LRP1B: variants seen among roughly 807,000 people sequenced by gnomAD.
LRP1B encodes LDL receptor related protein 1B.
A neutral mutation model predicts 556.6 loss-of-function variants in LRP1B; 217 were observed. That is an observed-to-expected ratio of 0.39 (90% CI 0.35 to 0.44). The LOEUF is 0.44. Among genes scored for constraint, LRP1B ranks in the 20% least tolerant of loss-of-function variants. LRP1B has a pLI of 1.00. For missense variants in LRP1B, 5,053 were observed against 5,620.8 expected, an observed-to-expected ratio of 0.90 and a Z score of 3.23; for synonymous variants, 2,047 against 1,865.8, an observed-to-expected ratio of 1.10 and a Z score of -2.50.
chr2:142,027,419 T>C (rs1222607865), intron 1 of LRP1B, among the ~76,000 whole-genome samples: 1 of 151,788 alleles, frequency 6.6e-6, no homozygotes, highest in Non-Finnish European at 1.5e-5. Context: ...ATATTTATAG[T>C]CTATAAATAT....
chr2:140,867,866 C>A, intron 26 of LRP1B, 32 bp from the exon 27 acceptor site: 2 of 1,489,190 alleles, frequency 1.3e-6, no homozygotes, highest in South Asian at 1.5e-5. Context: ...AGTAGTTTGT[C>A]AAAACTCATT....
At chr2:140,911,956 TAAAC>T (rs1694432176) in intron 21 of LRP1B, among the ~76,000 whole-genome samples, 1 of 151,702 alleles carries the variant, frequency 6.6e-6, no homozygotes, top group African/African-American at 2.4e-5. Flanking sequence ...TTGGAAAAGG[TAAAC>T]AAAAATAATA....
At chr2:142,067,567 C>T (rs72849836) in intron 1 of LRP1B, among the ~76,000 whole-genome samples, 10,418 of 151,480 alleles carry the variant, frequency 0.069, 481 homozygotes, top group Non-Finnish European at 0.094. Context: ...ATTCACTGTC[C>T]ATAATTTCAC....
At chr2:140,664,412 T>C (rs1685199031) in intron 41 of LRP1B, among the ~76,000 whole-genome samples, 1 of 152,132 alleles carries the variant, frequency 6.6e-6, no homozygotes, top group African/African-American at 2.4e-5. Context: ...TATTGTCATT[T>C]AGGAATTTCT....
At chr2:142,118,260 G>T (rs1027873436) in intron 1 of LRP1B, among the ~76,000 whole-genome samples, 2 of 152,058 alleles carry the variant, frequency 1.3e-5, no homozygotes, top group African/African-American at 4.8e-5. Flanking sequence ...CATTACTGTT[G>T]TATTTTGCAT....
At chr2:140,609,299 C>T (rs1025719420) in intron 41 of LRP1B, among the ~76,000 whole-genome samples, 4 of 152,124 alleles carry the variant, frequency 2.6e-5, no homozygotes, top group Non-Finnish European at 4.4e-5. Flanking sequence ...CAGCTGAAAG[C>T]TATGAACCAG....
At chr2:141,488,570 C>T (rs915008050) in intron 2 of LRP1B, among the ~76,000 whole-genome samples, 1 of 152,030 alleles carries the variant, frequency 6.6e-6, no homozygotes, top group Non-Finnish European at 1.5e-5. Flanking sequence ...GGTAACCTCT[C>T]AGCTCAGCTT....
At chr2:141,597,338 C>T (rs2105303272) in intron 2 of LRP1B, among the ~76,000 whole-genome samples, 1 of 152,120 alleles carries the variant, frequency 6.6e-6, no homozygotes, top group East Asian at 1.9e-4. Flanking sequence ...TCCCTACTCC[C>T]TATGAGAATT....
At chr2:142,071,327 G>A (rs988303200) in intron 1 of LRP1B, among the ~76,000 whole-genome samples, 3 of 151,764 alleles carry the variant, frequency 2.0e-5, no homozygotes, top group Admixed American at 6.6e-5. Context: ...CTACCTTTCT[G>A]AACCAATGCT....
At chr2:140,645,120 C>A (rs1559028087) in intron 41 of LRP1B, among the ~76,000 whole-genome samples, 3 of 151,940 alleles carry the variant, frequency 2.0e-5, no homozygotes, top group East Asian at 1.9e-4. Flanking sequence ...ATCAGGAAGC[C>A]TTTTTTCGGT....
intron 32 of LRP1B, among the ~76,000 whole-genome samples, chr2:140,802,142 T>A (rs908740489): frequency 2.6e-5 from 4 of 152,182 alleles, no homozygotes; most frequent in African/African-American, 9.7e-5. Flanking sequence ...TTCATTCTAC[T>A]CAACAAGCAA....
chr2:140,875,951 C>A (rs1225562745), intron 25 of LRP1B, among the ~76,000 whole-genome samples: 1 of 152,116 alleles, frequency 6.6e-6, no homozygotes, highest in Non-Finnish European at 1.5e-5. Flanking sequence ...TTGACTATGA[C>A]TGCCCTAAAA....
At chr2:141,540,298 CA>C (rs67116306) in intron 2 of LRP1B, among the ~76,000 whole-genome samples, 28,849 of 145,962 alleles carry the variant, frequency 0.2, 2,864 homozygotes, top group South Asian at 0.39. Flanking sequence ...TGTTAAAAAA[CA>C]AAAAAAAAAG....
intron 3 of LRP1B, among the ~76,000 whole-genome samples, chr2:141,296,432 G>C (rs1686186022): frequency 1.3e-5 from 2 of 152,168 alleles, no homozygotes; most frequent in Non-Finnish European, 2.9e-5. Context: ...TTTTGTAGTA[G>C]AACTGGTACT....
intron 7 of LRP1B, among the ~76,000 whole-genome samples, chr2:141,178,471 T>C (rs1055795902): frequency 2.0e-5 from 3 of 152,124 alleles, no homozygotes; most frequent in African/African-American, 4.8e-5. Flanking sequence ...CTTTTGGTTC[T>C]TAGGTTGCTG....
intron 15 of LRP1B, among the ~76,000 whole-genome samples, chr2:140,998,063 AG>A (rs1697305333): frequency 6.6e-6 from 1 of 152,026 alleles, no homozygotes; most frequent in Non-Finnish European, 1.5e-5. Flanking sequence ...CTAGAACATA[AG>A]GCTTGTCACA....
intron 75 of LRP1B, among the ~76,000 whole-genome samples, chr2:140,353,449 T>C (rs1359991820): frequency 1.3e-5 from 2 of 152,102 alleles, no homozygotes; most frequent in African/African-American, 4.8e-5. Context: ...GTTTGTTGTA[T>C]AGATTTCCAT....
Position 140,291,076 on chromosome 2 carries a change from C to T in LRP1B, c.12967+6732G>A, listed in dbSNP as rs372622462. 6.6e-5 allele frequency among the ~76,000 whole-genome samples: 10 copies of T among 151,646 alleles called. No homozygotes were observed. The East Asian group carries it at 1.6e-3, about 24-fold the overall frequency. On this transcript the variant is annotated intron_variant, in intron 84 of 90. Transcript: ENST00000389484. The stretch of plus-strand genomic sequence containing the variant: ...TAGATAAAATAATGTGTCATAGCAA[C>T]GTCTCCGGGATGAAAATATTACACA...
chr2:141,571,341 A>C (rs145536993), intron 2 of LRP1B, among the ~76,000 whole-genome samples: 1,694 of 150,196 alleles, frequency 0.011, 86 homozygotes, highest in Middle Eastern at 0.017. Context: ...CTATTGAAAG[A>C]AAAACAAACA....
Sources: allele counts gnomAD v4.1 joint callset (sites outside exome capture counted in the v4.1 genomes callset), GRCh38; gene constraint gnomAD v4.1.1; transcripts MANE v1.5; gene names NCBI Gene and HGNC (gene_info 2026-07-23, HGNC 2026-07-21).